PCDH11Y: variants seen among roughly 807,000 people sequenced by gnomAD.
The protein encoded by PCDH11Y is protocadherin-11 Y-linked.
For missense variants in PCDH11Y, 12 were observed against 224.8 expected (o/e 0.05, Z 6.05); for synonymous variants, 9 against 83.6 (o/e 0.11, Z 4.87).
At chrY:5,244,769 C>T in intron 2 of PCDH11Y, among the ~76,000 whole-genome samples, 2 of 34,152 alleles carry the variant, frequency 5.9e-5, no homozygotes, top group Non-Finnish European at 1.5e-4. Flanking sequence ...ATCACAGCTG[C>T]TGCTGTCTGC....
chrY:5,737,253 C>T lies in PCDH11Y; in HGVS notation c.3353-19C>T. 1 of 380,538 alleles carries T rather than the reference C, an allele frequency of 2.6e-6. No homozygotes were observed. The highest frequency in any genetic ancestry group is 3.6e-6 in the Non-Finnish European group (1 of 274,122). The allele number at this position is 380,538 out of a possible 400,897, so 94.9% of individuals were successfully genotyped here. A position where few individuals can be genotyped will look rare whatever the true frequency, so the allele number is the denominator to read the frequency against. ...AAATATAAATTTTATTATTTTTTTC[C>T]TCACCCCAACAACTGCAGAAATAAC... On this transcript the variant is annotated intron_variant, in intron 4 of 4. Coordinates refer to the PCDH11Y transcript ENST00000400457.
At chrY:5,320,569 G>A in intron 2 of PCDH11Y, among the ~76,000 whole-genome samples, 1 of 33,422 alleles carries the variant, frequency 3.0e-5, no homozygotes, top group Non-Finnish European at 7.4e-5. Context: ...CTTTAGACAC[G>A]TTCTTGAATA....
chrY:5,349,025 G>C, intron 2 of PCDH11Y, among the ~76,000 whole-genome samples: 2 of 32,219 alleles, frequency 6.2e-5, no homozygotes, highest in Non-Finnish European at 1.5e-4. Context: ...CTACTCAGGA[G>C]GCTGAAACAG....
chrY:5,477,011 A>C, intron 2 of PCDH11Y, among the ~76,000 whole-genome samples: 1 of 31,699 alleles, frequency 3.2e-5, no homozygotes, highest in Non-Finnish European at 7.6e-5. Context: ...GACTCAAGCA[A>C]TCATCCTTTC....
At chrY:5,060,171 A>G in intron 1 of PCDH11Y, among the ~76,000 whole-genome samples, 2 of 33,085 alleles carry the variant, frequency 6.0e-5, no homozygotes, top group Admixed American at 2.8e-4. Context: ...TGTTGAATAG[A>G]CAAGAATAGA....
At chrY:5,433,973 A>G in intron 2 of PCDH11Y, among the ~76,000 whole-genome samples, 1 of 33,551 alleles carries the variant, frequency 3.0e-5, no homozygotes, top group Non-Finnish European at 7.4e-5. Flanking sequence ...ATGTAAAATA[A>G]TACTGATAAG....
At chrY:5,165,334 G>T in intron 2 of PCDH11Y, among the ~76,000 whole-genome samples, 1 of 33,134 alleles carries the variant, frequency 3.0e-5, no homozygotes, top group Non-Finnish European at 7.5e-5. Context: ...AAGAATTCAT[G>T]TTATAGAAAG....
intron 1 of PCDH11Y, among the ~76,000 whole-genome samples, chrY:5,084,966 C>G: frequency 3.0e-5 from 1 of 33,039 alleles, no homozygotes. Context: ...TTTAGCCATT[C>G]TTTGTCTTTT....
intron 2 of PCDH11Y, among the ~76,000 whole-genome samples, chrY:5,495,904 T>A: frequency 3.0e-5 from 1 of 33,445 alleles, no homozygotes; most frequent in African/African-American, 1.2e-4. Context: ...ATATTTAGTC[T>A]GTAAATGATT....
intron 2 of PCDH11Y, among the ~76,000 whole-genome samples, chrY:5,194,828 T>G: frequency 6.1e-5 from 2 of 32,757 alleles, no homozygotes; most frequent in Non-Finnish European, 1.5e-4. Flanking sequence ...TGGCCTGCTT[T>G]TATTGCCTTA....
intron 4 of PCDH11Y, among the ~76,000 whole-genome samples, chrY:5,709,413 G>C: frequency 9.1e-5 from 3 of 32,901 alleles, no homozygotes; most frequent in Admixed American, 2.8e-4. Context: ...TATAAATTTG[G>C]GGGCTCATCT....
chrY:5,046,637 C>T, intron 3 of PCDH11Y, among the ~76,000 whole-genome samples: 1 of 34,267 alleles, frequency 2.9e-5, no homozygotes, highest in Non-Finnish European at 7.3e-5. Flanking sequence ...TGGTGGGCTC[C>T]ACCCAGTTGG....
At chrY:5,386,201 G>C in intron 2 of PCDH11Y, among the ~76,000 whole-genome samples, 1 of 33,490 alleles carries the variant, frequency 3.0e-5, no homozygotes, top group African/African-American at 1.2e-4. Context: ...TTCTAGCTTG[G>C]AGGGTTTCTG....
At chrY:5,421,846 A>G (rs2053258875) in intron 2 of PCDH11Y, among the ~76,000 whole-genome samples, 1 of 29,051 alleles carries the variant, frequency 3.4e-5, no homozygotes, top group Non-Finnish European at 8.2e-5. Context: ...GGTGTCTGCT[A>G]TCATTCCTTC....
At chrY:5,475,830 C>G (rs2053318052) in intron 2 of PCDH11Y, among the ~76,000 whole-genome samples, 1 of 31,328 alleles carries the variant, frequency 3.2e-5, no homozygotes, top group Non-Finnish European at 7.7e-5. Flanking sequence ...CCTATTGTTC[C>G]TAGGCTACAA....
At chrY:5,444,696 C>G in intron 2 of PCDH11Y, among the ~76,000 whole-genome samples, 1 of 31,165 alleles carries the variant, frequency 3.2e-5, no homozygotes, top group Non-Finnish European at 7.9e-5. Context: ...CCTAGTCATT[C>G]CATCCTTATT....
intron 2 of PCDH11Y, among the ~76,000 whole-genome samples, chrY:5,273,880 T>C (rs2053040755): frequency 3.0e-5 from 1 of 33,674 alleles, no homozygotes; most frequent in Admixed American, 2.7e-4. Flanking sequence ...ATTTTGTTTT[T>C]TTCTCTTGTT....
chrY:5,101,205 C>T, exon 2 of PCDH11Y: 1 of 210,184 alleles, frequency 4.8e-6, no homozygotes, highest in South Asian at 1.7e-4. Context: ...TCTACCAGGC[C>T]TTCAGGTCCT....
intron 1 of PCDH11Y, among the ~76,000 whole-genome samples, chrY:5,065,725 A>C: frequency 3.2e-5 from 1 of 31,548 alleles, no homozygotes; most frequent in Non-Finnish European, 7.7e-5. Flanking sequence ...GTTTTGTTTT[A>C]AGTCTTCCAC....
Sources: gnomAD v4.1 joint callset for allele counts (sites outside exome capture counted in the v4.1 genomes callset) on GRCh38, gnomAD v4.1.1 for gene constraint, MANE v1.5 for transcripts, NCBI Gene and HGNC (gene_info 2026-07-23, HGNC 2026-07-21) for gene names.